The following BMPR1A variants were observed in gnomAD, a reference collection of about 807,000 sequenced individuals.
BMPR1A encodes the protein bone morphogenetic protein receptor type 1A.
In BMPR1A, 7 loss-of-function variants were observed where a neutral mutation model predicts 66.0. The observed-to-expected ratio is 0.11, with a 90% CI of 0.06 to 0.20. BMPR1A has a LOEUF of 0.20. Ranked by LOEUF, BMPR1A falls within the 10% of genes least tolerant of loss-of-function variation. BMPR1A has a pLI of 1.00. For missense variants in BMPR1A, 408 were observed against 669.1 expected (o/e 0.61, Z 4.31); for synonymous variants, 200 against 229.7 (o/e 0.87, Z 1.17).
chr10:86,772,153 C>T (rs1445160115), intron 1 of BMPR1A, among the ~76,000 whole-genome samples: 2 of 96,240 alleles, frequency 2.1e-5, no homozygotes, highest in Non-Finnish European at 3.7e-5. Flanking sequence ...TTTTTTGAGA[C>T]AGAGTCTTTC....
chr10:86,915,462 C>A (rs1392164235), intron 8 of BMPR1A, among the ~76,000 whole-genome samples: 1 of 152,090 alleles, frequency 6.6e-6, no homozygotes, highest in African/African-American at 2.4e-5. Context: ...ATAAATTATA[C>A]CTCAATAATC....
At chr10:86,787,827 A>G (rs1215438665) in intron 1 of BMPR1A, among the ~76,000 whole-genome samples, 2 of 152,068 alleles carry the variant, frequency 1.3e-5, no homozygotes, top group Non-Finnish European at 2.9e-5. Context: ...GGAATGCCAC[A>G]TGCTTCCAGA....
chr10:86,854,996 GTGCAACCTCCACTCCC>G (rs1040317689), intron 2 of BMPR1A: 14 of 201,920 alleles, frequency 6.9e-5, no homozygotes, highest in African/African-American at 3.3e-4. Context: ...GGATGCAGTG[GTGCAACCTCCACTCCC>G]TGCAACCTCA....
intron 1 of BMPR1A, among the ~76,000 whole-genome samples, chr10:86,807,926 C>T (rs978261541): frequency 3.9e-5 from 6 of 152,058 alleles, no homozygotes; most frequent in Admixed American, 1.3e-4. Context: ...ACCTCCATGC[C>T]CGGCTAATTT....
At chr10:86,856,866 A>G (rs1263117105) in intron 2 of BMPR1A, among the ~76,000 whole-genome samples, 8 of 152,224 alleles carry the variant, frequency 5.3e-5, no homozygotes, top group Admixed American at 2.6e-4. Flanking sequence ...TTGATAATTT[A>G]TAAATTAACT....
intron 2 of BMPR1A, among the ~76,000 whole-genome samples, chr10:86,869,757 C>CAA (rs1318444122): frequency 9.9e-5 from 13 of 130,788 alleles, no homozygotes; most frequent in Non-Finnish European, 2.0e-4. Context: ...AACTCTGTCT[C>CAA]AAAAAAAAAA....
intron 4 of BMPR1A, 117 bp from the exon 5 acceptor site, chr10:86,892,010 A>G (rs980633434): frequency 7.7e-6 from 6 of 781,632 alleles, no homozygotes; most frequent in African/African-American, 3.4e-5. Flanking sequence ...ATGCAATTCT[A>G]AGTCACAAAA....
Position 86,884,394 on chromosome 10 carries a change from A to ATTTTTTTTTTTT in BMPR1A, c.68-5642_68-5631dup, listed in dbSNP as rs759424209. Among the ~76,000 whole-genome samples, 16 of 49,344 alleles carry ATTTTTTTTTTTT rather than the reference A, an allele frequency of 3.2e-4. 1 individual carries two copies. Among genetic ancestry groups the ATTTTTTTTTTTT allele is most frequent in the Non-Finnish European group, 4.9e-4 (11 of 22,330 alleles). The allele number at this position is 49,344 out of a possible 152,430, so 32.4% of individuals were successfully genotyped here. ...AGCCACCATGCCTGGCAAACACATG[A>ATTTTTTTTTTTT]TTTTTTTTTTTTTTTTTTTTTTTTT... On this transcript the variant is annotated intron_variant, in intron 3 of 12. Coordinates refer to ENST00000372037, the MANE Select transcript of BMPR1A (RefSeq NM_004329.3).
chr10:86,863,388 A>G (rs979600042), intron 2 of BMPR1A, among the ~76,000 whole-genome samples: 1 of 152,194 alleles, frequency 6.6e-6, no homozygotes, highest in Non-Finnish European at 1.5e-5. Context: ...TGCTAATTTT[A>G]TGCTAATCTA....
chr10:86,921,796 A>G, intron 11 of BMPR1A, 101 bp downstream of exon 11: 2 of 1,429,146 alleles, frequency 1.4e-6, no homozygotes, highest in Non-Finnish European at 2.0e-6. Context: ...TTGTGGGCAC[A>G]TAGTAGGTGT....
At chr10:86,865,076 GCCATCGTAT>G (rs1312698174) in intron 2 of BMPR1A, among the ~76,000 whole-genome samples, 1 of 152,162 alleles carries the variant, frequency 6.6e-6, no homozygotes, top group Non-Finnish European at 1.5e-5. Context: ...CCCAAGCCGA[GCCATCGTAT>G]CCCCTGTGAC....
At chr10:86,865,604 T>G (rs1386423697) in intron 2 of BMPR1A, among the ~76,000 whole-genome samples, 1 of 152,216 alleles carries the variant, frequency 6.6e-6, no homozygotes, top group Non-Finnish European at 1.5e-5. Context: ...CACATGAAAC[T>G]AGGCAAGAAT....
At chr10:86,911,065 G>A (rs1343739540) in intron 7 of BMPR1A, among the ~76,000 whole-genome samples, 2 of 150,994 alleles carry the variant, frequency 1.3e-5, no homozygotes, top group African/African-American at 2.4e-5. Context: ...TGAGGTGGGA[G>A]GATCACTTAA....
chr10:86,762,216 TGTG>T (rs1841071107), intron 1 of BMPR1A, among the ~76,000 whole-genome samples: 2 of 152,226 alleles, frequency 1.3e-5, no homozygotes, highest in South Asian at 4.1e-4. Flanking sequence ...TCTTCACTTT[TGTG>T]GTCTCATTTC....
At chr10:86,818,615 C>T (rs1185006002) in intron 1 of BMPR1A, among the ~76,000 whole-genome samples, 1 of 152,064 alleles carries the variant, frequency 6.6e-6, no homozygotes, top group African/African-American at 2.4e-5. Context: ...GTAGTATAAG[C>T]AAAACAACAA....
At chr10:86,885,361 T>A (rs1843055417) in intron 3 of BMPR1A, among the ~76,000 whole-genome samples, 1 of 152,236 alleles carries the variant, frequency 6.6e-6, no homozygotes. Flanking sequence ...TTTTGCATTG[T>A]GTCGGCAGAA....
Position 86,923,671 on chromosome 10 carries a change from T to A in BMPR1A, c.1551T>A (p.Ile517=), listed in dbSNP as rs1471929511. The A allele has an allele frequency of 6.2e-7, 1 of 1,614,206 alleles. No homozygotes were observed. The highest frequency in any genetic ancestry group is 8.5e-7 in the Non-Finnish European group (1 of 1,180,036). Reference sequence around the variant, plus strand: ...CCTCCAGACTCACAGCATTGAGAATTAAGAAGACGCTTGCCAAGATGGTTG... The same window carrying A: ...CCTCCAGACTCACAGCATTGAGAATAAAGAAGACGCTTGCCAAGATGGTTG... ...NPASRLTALR[I]KKTLAKMVES... The change falls in exon 13 of 13, where the codon ATT becomes ATA. Residue 517 remains isoleucine, a synonymous_variant. Transcript: ENST00000372037.
At chr10:86,808,021 C>A (rs752219377) in intron 1 of BMPR1A, among the ~76,000 whole-genome samples, 6 of 152,172 alleles carry the variant, frequency 3.9e-5, no homozygotes, top group Non-Finnish European at 8.8e-5. Context: ...CCCACCTCAG[C>A]AGAACTCATT....
intron 2 of BMPR1A, among the ~76,000 whole-genome samples, chr10:86,862,855 G>A (rs917572322): frequency 3.3e-5 from 5 of 152,110 alleles, no homozygotes; most frequent in African/African-American, 1.2e-4. Context: ...GGCTGTCAAC[G>A]GAGGTGGGAA....
Sources: allele counts gnomAD v4.1 joint callset (sites outside exome capture counted in the v4.1 genomes callset), GRCh38; gene constraint gnomAD v4.1.1; transcripts MANE v1.5; gene names NCBI Gene and HGNC (gene_info 2026-07-23, HGNC 2026-07-21).